The following TXNL1 variants were observed in gnomAD, a reference collection of about 807,000 sequenced individuals.
TXNL1 encodes the protein thioredoxin like 1, also known as thioredoxin-like protein 1.
A neutral mutation model predicts 35.5 loss-of-function variants in TXNL1; 14 were observed. The ratio of observed to expected loss-of-function variants is 0.39; its 90% CI spans 0.26 to 0.62. The LOEUF is 0.62. TXNL1 is among the 20% of genes least tolerant of loss of function. The probability of loss-of-function intolerance (pLI) is 0.47; values close to 1 mark genes in which losing one functional copy is unlikely to be tolerated. For synonymous variants in TXNL1, 110 were observed against 115.5 expected, an observed-to-expected ratio of 0.95 and a Z score of 0.31; for missense variants, 263 against 349.7, an observed-to-expected ratio of 0.75 and a Z score of 1.98.
At chr18:56,609,427 T>C (rs973967318) in intron 7 of TXNL1, 1 of 152,112 alleles carries the variant, frequency 6.6e-6, no homozygotes, top group Non-Finnish European at 1.5e-5. Flanking sequence ...GATAGTTAGA[T>C]GGATAATTAT....
At position 56,597,863 on chromosome 18, in the gene TXNL1, A is replaced by G. The variant is rs192452509; in HGVS notation, c.*5164T>C. On this transcript the variant is annotated 3_prime_UTR_variant, in exon 8 of 8. Coordinates refer to ENST00000217515, the MANE Select transcript of TXNL1 (RefSeq NM_004786.3). The stretch of plus-strand genomic sequence containing the variant: ...AAACCATATTCATCTTCCCCTCTGA[A>G]CGTTCTGCTTCTCCTAAGAGCTACT... The G allele has an allele frequency of 3.2e-4, 48 of 152,366 alleles. No homozygotes were observed. The highest frequency in any genetic ancestry group is 1.1e-3 in the African/African-American group (45 of 41,588). 9.4% of individuals were successfully genotyped at this position (152,366 alleles called of 1,614,324 possible).
At chr18:56,619,213 CAAAAA>C (rs780757654) in intron 3 of TXNL1, among the ~76,000 whole-genome samples, 1 of 64,980 alleles carries the variant, frequency 1.5e-5, no homozygotes. Flanking sequence ...GACCCTGTCT[CAAAAA>C]AAAAAAAAAA....
At chr18:56,619,259 G>A (rs1024264807) in intron 3 of TXNL1, among the ~76,000 whole-genome samples, 5 of 150,374 alleles carry the variant, frequency 3.3e-5, no homozygotes, top group Non-Finnish European at 5.9e-5. Context: ...TTTGGAGGCC[G>A]GGTCGGGGTG....
intron 1 of TXNL1, among the ~76,000 whole-genome samples, chr18:56,637,540 C>T (rs1418172345): frequency 6.6e-6 from 1 of 152,222 alleles, no homozygotes; most frequent in Non-Finnish European, 1.5e-5. Flanking sequence ...TACACATCCA[C>T]TATAAAAGGT....
At chr18:56,611,179 TA>T in intron 6 of TXNL1, 82 bp from the exon 7 acceptor site, 1 of 921,790 alleles carries the variant, frequency 1.1e-6, no homozygotes, top group African/African-American at 1.7e-5. Flanking sequence ...CTTAAATTAA[TA>T]ACATAAATAT....
At chr18:56,631,961 A>G (rs1394753112) in intron 1 of TXNL1, among the ~76,000 whole-genome samples, 2 of 151,872 alleles carry the variant, frequency 1.3e-5, no homozygotes, top group Non-Finnish European at 2.9e-5. Flanking sequence ...CTAAAACTTT[A>G]AAACAGACAT....
At chr18:56,620,299 C>A (rs997978349) in intron 3 of TXNL1, among the ~76,000 whole-genome samples, 3 of 152,184 alleles carry the variant, frequency 2.0e-5, no homozygotes, top group Non-Finnish European at 2.9e-5. Context: ...TTTACTAACA[C>A]TTTATTTAAA....
At chr18:56,619,194 G>A (rs1474054615) in intron 3 of TXNL1, among the ~76,000 whole-genome samples, 1 of 141,532 alleles carries the variant, frequency 7.1e-6, no homozygotes, top group African/African-American at 2.7e-5. Context: ...AGCCCAGGCA[G>A]CAGAGCAAGA....
At position 56,618,016 on chromosome 18, in the gene TXNL1, G is replaced by A. The variant is rs533331372; in HGVS notation, c.480C>T (p.Asp160=). The A allele has an allele frequency of 1.9e-6, 3 of 1,613,898 alleles. No individual in the cohort carries two copies. In the South Asian group the frequency reaches 3.3e-5, roughly 18 times the overall value. ...AGCCCTCAATTACCTGTTCATCACA[G>A]TCAGATTCCAAGAAGGTTGTGTCTT... is the stretch of plus-strand genomic sequence containing the variant. ...LRKDTTFLES[D]CDEQLLITVA... Residue 160 remains aspartate, a synonymous_variant, in exon 4 of 8, where the codon GAC becomes GAT. Transcript: ENST00000217515.
At chr18:56,617,379 T>C (rs537039432) in intron 4 of TXNL1, among the ~76,000 whole-genome samples, 8 of 152,270 alleles carry the variant, frequency 5.3e-5, no homozygotes, top group Admixed American at 2.6e-4. Flanking sequence ...GAAGAGTCAT[T>C]TTACTCTTCT....
rs926910183 is a variant in TXNL1 at position 56,600,624 on chromosome 18, T to A, written c.*2403A>T. On this transcript the variant is annotated 3_prime_UTR_variant, in exon 8 of 8. Transcript: ENST00000217515. Reference sequence around the variant, plus strand: ...ACGTGGGGCAGGTTTCAACTCTAATTGTTACGTGGCTGCCTCCAACAGTAT... The same window carrying A: ...ACGTGGGGCAGGTTTCAACTCTAATAGTTACGTGGCTGCCTCCAACAGTAT... The A allele has an allele frequency of 1.4e-5, 2 of 146,040 alleles. No homozygotes were observed. The highest frequency in any genetic ancestry group is 5.2e-5 in the African/African-American group (2 of 38,612). 9.0% of individuals were successfully genotyped at this position (146,040 alleles called of 1,614,324 possible).
chr18:56,615,440 T>A (rs2024069544), intron 5 of TXNL1, among the ~76,000 whole-genome samples: 5 of 114,882 alleles, frequency 4.4e-5, no homozygotes, highest in African/African-American at 6.2e-5. Flanking sequence ...CTATTCCCCC[T>A]CAGAAAAAGC....
At chr18:56,624,917 C>T (rs1439518812) in intron 2 of TXNL1, among the ~76,000 whole-genome samples, 2 of 152,176 alleles carry the variant, frequency 1.3e-5, no homozygotes, top group South Asian at 4.1e-4. Context: ...TTTTGCACTG[C>T]AACCGTCACC....
At chr18:56,621,051 T>C (rs1363946138) in intron 3 of TXNL1, among the ~76,000 whole-genome samples, 1 of 152,246 alleles carries the variant, frequency 6.6e-6, no homozygotes, top group Non-Finnish European at 1.5e-5. Context: ...TCTTCCATCC[T>C]ATCTATATGT....
At position 56,614,458 on chromosome 18, in the gene TXNL1, C is replaced by T. The variant is rs577532763; in HGVS notation, c.701G>A (p.Arg234His). 10 of 1,613,660 alleles carry T rather than the reference C, an allele frequency of 6.2e-6. No individual in the cohort carries two copies. The highest frequency in any genetic ancestry group is 2.2e-5 in the South Asian group (2 of 90,994). ...DIKEDGIVPL[R>H]YVKFQNVNSV... ...GTTAACATTCTGAAACTTAACATAACGAAGTGGAACAATGCCATCTTCTTT... is the reference window on the plus strand; with the variant it reads ...GTTAACATTCTGAAACTTAACATAATGAAGTGGAACAATGCCATCTTCTTT... The change falls in exon 6 of 8, where the codon CGT (arginine) becomes CAT (histidine). Residue 234 changes from arginine to histidine, a missense_variant. By Grantham distance (29) the Arg-to-His change is conservative (BLOSUM62 0). Coordinates refer to ENST00000217515, the MANE Select transcript of TXNL1 (RefSeq NM_004786.3).
At chr18:56,628,311 G>T (rs1389548638) in intron 1 of TXNL1, among the ~76,000 whole-genome samples, 1 of 152,092 alleles carries the variant, frequency 6.6e-6, no homozygotes, top group Non-Finnish European at 1.5e-5. Flanking sequence ...AAACCAAACT[G>T]CTAAAATACA....
chr18:56,630,374 G>A (rs565990659), intron 1 of TXNL1, among the ~76,000 whole-genome samples: 1 of 152,188 alleles, frequency 6.6e-6, no homozygotes, highest in Admixed American at 6.5e-5. Context: ...CTGAGCCAGT[G>A]GGGCTGCCAT....
chr18:56,635,622 T>C (rs1044203349), intron 1 of TXNL1, among the ~76,000 whole-genome samples: 3 of 152,200 alleles, frequency 2.0e-5, no homozygotes, highest in African/African-American at 4.8e-5. Context: ...AGGGGCAAAT[T>C]ACTGCTTAAT....
rs2023801791 is a variant in TXNL1 at position 56,600,792 on chromosome 18, C to A, written c.*2235G>T. 2.0e-5 allele frequency: 3 copies of A among 152,344 alleles called. No homozygotes were observed. The South Asian group carries it at 6.2e-4, about 32-fold the overall frequency. 9.4% of individuals were successfully genotyped at this position (152,344 alleles called of 1,614,324 possible). A position where few individuals can be genotyped will look rare whatever the true frequency, so the allele number is the denominator to read the frequency against. On this transcript the variant is annotated 3_prime_UTR_variant, in exon 8 of 8. Coordinates refer to ENST00000217515, the MANE Select transcript of TXNL1 (RefSeq NM_004786.3). ...GGATTATAAAAGCCTGTCGTGGGCA[C>A]AAGAATGTGGTACCTTGTGCTACTC...
Sources: gnomAD v4.1 joint callset for allele counts (sites outside exome capture counted in the v4.1 genomes callset) on GRCh38, gnomAD v4.1.1 for gene constraint, MANE v1.5 for transcripts, NCBI Gene and HGNC (gene_info 2026-07-23, HGNC 2026-07-21) for gene names.